PPP1R9A: variants seen among roughly 807,000 people sequenced by gnomAD.
The protein encoded by PPP1R9A is protein phosphatase 1 regulatory subunit 9A.
In PPP1R9A, 59 loss-of-function variants were observed where a neutral mutation model predicts 141.9. The observed-to-expected ratio is 0.42, with a 90% CI of 0.34 to 0.52. The LOEUF (loss-of-function observed/expected upper bound fraction) is 0.52. PPP1R9A is among the 20% of genes least tolerant of loss of function. PPP1R9A has a pLI of 0.10. For missense variants in PPP1R9A, 1,444 were observed against 1,611.9 expected (o/e 0.90, Z 1.78); for synonymous variants, 500 against 569.7 (o/e 0.88, Z 1.74).
At chr7:95,027,207 G>T (rs1371956364) in intron 2 of PPP1R9A, among the ~76,000 whole-genome samples, 2 of 152,154 alleles carry the variant, frequency 1.3e-5, no homozygotes, top group African/African-American at 4.8e-5. Context: ...CCAGGGCCCT[G>T]GTGGCATAGG....
chr7:94,912,441 C>T (rs1000777336), intron 2 of PPP1R9A, among the ~76,000 whole-genome samples: 1 of 152,132 alleles, frequency 6.6e-6, no homozygotes, highest in African/African-American at 2.4e-5. Context: ...CTTGGGGAAT[C>T]TGGAAGGTTA....
intron 2 of PPP1R9A, among the ~76,000 whole-genome samples, chr7:94,965,681 T>TTTTGGTCTATATATCCATTGGTCTATATA (rs1563056866): frequency 6.6e-6 from 1 of 151,864 alleles, no homozygotes; most frequent in African/African-American, 2.4e-5. Context: ...GTCTATATAT[T>TTTTGGTCTATATATCCATTGGTCTATATA]TGTTTTGGGT....
At chr7:94,928,793 C>T (rs1793793038) in intron 2 of PPP1R9A, among the ~76,000 whole-genome samples, 1 of 152,074 alleles carries the variant, frequency 6.6e-6, no homozygotes, top group African/African-American at 2.4e-5. Context: ...AAATATGTCA[C>T]TTAAAGATCT....
intron 2 of PPP1R9A, among the ~76,000 whole-genome samples, chr7:95,039,268 C>T (rs1028857476): frequency 6.6e-6 from 1 of 151,926 alleles, no homozygotes; most frequent in African/African-American, 2.4e-5. Flanking sequence ...GTCGAAAACT[C>T]GAATAAAAAA....
At chr7:95,285,673 C>T (rs573965897) in intron 17 of PPP1R9A, among the ~76,000 whole-genome samples, 130 of 152,280 alleles carry the variant, frequency 8.5e-4, no homozygotes, top group Non-Finnish European at 1.7e-3. Flanking sequence ...AGTGTATTGT[C>T]AGGCTGTGAC....
chr7:95,252,168 C>A, intron 12 of PPP1R9A, 38 bp downstream of exon 12: 1 of 1,512,798 alleles, frequency 6.6e-7, no homozygotes, highest in South Asian at 1.4e-5. Flanking sequence ...TTTTTGATGA[C>A]TGTGTAATTT....
chr7:95,278,936 C>T (rs1211743662), intron 16 of PPP1R9A, among the ~76,000 whole-genome samples: 2 of 152,100 alleles, frequency 1.3e-5, no homozygotes, highest in African/African-American at 2.4e-5. Context: ...CACACACACC[C>T]GCCCCTCACA....
At chr7:94,918,427 G>A (rs1792355304) in intron 2 of PPP1R9A, among the ~76,000 whole-genome samples, 1 of 152,048 alleles carries the variant, frequency 6.6e-6, no homozygotes. Flanking sequence ...GCATGCTGGT[G>A]TGTGTAGGGA....
In PPP1R9A at chr7:95,252,106, T is replaced by G; in HGVS notation, c.2641T>G (p.Ser881Ala). ...TMENLDGKQT[S>A]CQDGLSQDLN... ...GGAGAACTTGGATGGCAAGCAGACA[T>G]CTTGCCAAGATGGCCTAAGTCAAGG... Residue 881 changes from serine (S) to alanine (A), a missense_variant, in exon 12 of 20, where the codon TCT becomes GCT. Coordinates refer to ENST00000433360, the MANE Select transcript of PPP1R9A (RefSeq NM_001166160.2). 6.2e-7 allele frequency: 1 copy of G among 1,601,106 alleles called. No individual in the cohort carries two copies.
chr7:95,101,156 T>C (rs1818748010), intron 2 of PPP1R9A, among the ~76,000 whole-genome samples: 1 of 152,142 alleles, frequency 6.6e-6, no homozygotes, highest in Admixed American at 6.5e-5. Context: ...CCGGCCTCTT[T>C]GTCTGATTTA....
At chr7:95,165,046 A>G (rs1279705073) in intron 5 of PPP1R9A, among the ~76,000 whole-genome samples, 1 of 152,010 alleles carries the variant, frequency 6.6e-6, no homozygotes, top group Non-Finnish European at 1.5e-5. Context: ...ATCAAGTCTC[A>G]GTTCAAATAT....
chr7:95,060,256 G>T (rs1008001927), intron 2 of PPP1R9A, among the ~76,000 whole-genome samples: 2 of 152,204 alleles, frequency 1.3e-5, no homozygotes, highest in Middle Eastern at 3.2e-3. Context: ...AGGCTGACAA[G>T]TAAGTGTCTT....
intron 4 of PPP1R9A, among the ~76,000 whole-genome samples, chr7:95,142,045 CTT>C (rs1463376380): frequency 1.3e-5 from 2 of 151,924 alleles, no homozygotes; most frequent in South Asian, 2.1e-4. Flanking sequence ...GTTTTTATCT[CTT>C]TGATTATTGA....
intron 2 of PPP1R9A, among the ~76,000 whole-genome samples, chr7:94,951,824 T>G (rs944387531): frequency 1.3e-5 from 2 of 151,490 alleles, no homozygotes; most frequent in Non-Finnish European, 2.9e-5. Context: ...TTCAGTTTCC[T>G]CTAAGACCAT....
intron 2 of PPP1R9A, among the ~76,000 whole-genome samples, chr7:95,081,895 A>G (rs779899470): frequency 9.2e-5 from 14 of 151,882 alleles, no homozygotes; most frequent in Non-Finnish European, 1.3e-4. Context: ...CCTGCCCCCA[A>G]CAAACTTCCC....
intron 2 of PPP1R9A, among the ~76,000 whole-genome samples, chr7:94,986,757 AAAG>A (rs1324409667): frequency 5.3e-5 from 8 of 152,222 alleles, no homozygotes; most frequent in African/African-American, 1.9e-4. Flanking sequence ...TGTCAATTAA[AAAG>A]AAAAGGGAAA....
intron 2 of PPP1R9A, among the ~76,000 whole-genome samples, chr7:94,978,472 AG>A (rs1799722549): frequency 6.6e-6 from 1 of 152,254 alleles, no homozygotes; most frequent in Non-Finnish European, 1.5e-5. Flanking sequence ...AAATAATTCT[AG>A]GCATGATAGT....
intron 5 of PPP1R9A, among the ~76,000 whole-genome samples, chr7:95,195,628 T>TA (rs1305729886): frequency 6.6e-6 from 1 of 151,712 alleles, no homozygotes; most frequent in Non-Finnish European, 1.5e-5. Context: ...AGATACAATT[T>TA]AAAAAATGAA....
intron 2 of PPP1R9A, among the ~76,000 whole-genome samples, chr7:95,048,330 T>C (rs1371092161): frequency 6.6e-6 from 1 of 151,928 alleles, no homozygotes; most frequent in African/African-American, 2.4e-5. Flanking sequence ...GATCAGATCA[T>C]ACTTAGCCTC....
Sources: gnomAD v4.1 joint callset for allele counts (sites outside exome capture counted in the v4.1 genomes callset) on GRCh38, gnomAD v4.1.1 for gene constraint, MANE v1.5 for transcripts, NCBI Gene and HGNC (gene_info 2026-07-23, HGNC 2026-07-21) for gene names.